CHRM5: variants seen among roughly 807,000 people sequenced by gnomAD.
CHRM5 encodes muscarinic acetylcholine receptor M5.
CHRM5 carries 18 observed loss-of-function variants against 39.0 expected under a neutral mutation model. The observed-to-expected ratio is 0.46, with a 90% CI of 0.32 to 0.68. CHRM5 has a LOEUF of 0.68. CHRM5 is among the 30% of genes least tolerant of loss of function. CHRM5 has a pLI of 0.04. For synonymous variants in CHRM5, 241 were observed against 246.3 expected (o/e 0.98, Z 0.20); for missense variants, 515 against 651.1 (o/e 0.79, Z 2.28).
Position 34,006,030 on chromosome 15 carries a change from G to A in CHRM5, c.-408+36880G>A, listed in dbSNP as rs111557572. ...GGAACATTCTACAGAAAATAGCCTTGGCCAGGCACGGTGGCTCACACCTGT... is the reference window on the plus strand; with the variant it reads ...GGAACATTCTACAGAAAATAGCCTTAGCCAGGCACGGTGGCTCACACCTGT... On this transcript the variant is annotated intron_variant, in intron 1 of 2. Coordinates refer to ENST00000383263, the MANE Select transcript of CHRM5 (RefSeq NM_012125.4). 4.3e-3 allele frequency among the ~76,000 whole-genome samples: 648 copies of A among 152,280 alleles called. 3 individuals carry two copies. Among genetic ancestry groups the A allele is most frequent in the Non-Finnish European group, 6.4e-3 (432 of 68,020 alleles).
Position 34,066,987 on chromosome 15 carries a change from A to T in CHRM5, c.*2671A>T, listed in dbSNP as rs1900528025. The T allele has an allele frequency of 6.6e-6, 1 of 152,206 alleles. No individual in the cohort carries two copies. Among genetic ancestry groups the T allele is most frequent in the Non-Finnish European group, 1.5e-5 (1 of 68,046 alleles). 9.4% of individuals were successfully genotyped at this position (152,206 alleles called of 1,614,324 possible). On this transcript the variant is annotated 3_prime_UTR_variant, in exon 3 of 3. Coordinates refer to ENST00000383263, the MANE Select transcript of CHRM5 (RefSeq NM_012125.4). ...CGGCTTTAGTGGGGTCCTCAGAATG[A>T]ATAGACCTAATTGTAAACTACAGGG...
chr15:34,027,563 C>T (rs1234573352), intron 1 of CHRM5, among the ~76,000 whole-genome samples: 1 of 150,960 alleles, frequency 6.6e-6, no homozygotes, highest in Non-Finnish European at 1.5e-5. Flanking sequence ...AACAGCCTCA[C>T]AACTATGGTA....
At position 34,062,914 on chromosome 15, in the gene CHRM5, A is replaced by C; in HGVS notation, c.197A>C (p.Asn66Thr). 1 of 1,614,158 alleles carries C rather than the reference A, an allele frequency of 6.2e-7. No individual in the cohort carries two copies. Among genetic ancestry groups the C allele is most frequent in the Non-Finnish European group, 8.5e-7 (1 of 1,180,038 alleles). Residue 66 changes from asparagine to threonine, a missense_variant, in exon 3 of 3, where the codon AAC becomes ACC. Coordinates refer to ENST00000383263, the MANE Select transcript of CHRM5 (RefSeq NM_012125.4). ...AACAGCCAGCTCAAGACAGTTAACA[A>C]CTATTACCTGCTCAGCTTAGCCTGT... Reference protein sequence around the residue: ...KVNSQLKTVNNYYLLSLACAD... With the variant: ...KVNSQLKTVNTYYLLSLACAD...
In CHRM5 at chr15:33,974,659, T is replaced by A. The variant is rs114835936; in HGVS notation, c.-408+5509T>A. On this transcript the variant is annotated intron_variant, in intron 1 of 2. Coordinates refer to ENST00000383263, the MANE Select transcript of CHRM5 (RefSeq NM_012125.4). ...CCTCACAGAAATCTGTGATTTGATG[T>A]TGGCGTGCACAACTTAAGATTTTGA... 2.4e-3 allele frequency among the ~76,000 whole-genome samples: 361 copies of A among 152,330 alleles called. 3 individuals are homozygous for A. Among genetic ancestry groups the A allele is most frequent in the African/African-American group, 8.3e-3 (347 of 41,570 alleles).
intron 1 of CHRM5, among the ~76,000 whole-genome samples, chr15:34,036,893 T>C (rs574281176): frequency 6.6e-6 from 1 of 152,268 alleles, no homozygotes; most frequent in Non-Finnish European, 1.5e-5. Context: ...GTGGATCACC[T>C]GAGGTCAGGA....
chr15:34,019,357 T>C (rs1172136280), intron 1 of CHRM5, among the ~76,000 whole-genome samples: 3 of 152,254 alleles, frequency 2.0e-5, no homozygotes, highest in South Asian at 4.1e-4. Flanking sequence ...TTAAGCTAAG[T>C]GTTATTACAA....
At chr15:33,988,048 G>A (rs544772569) in intron 1 of CHRM5, among the ~76,000 whole-genome samples, 4 of 152,220 alleles carry the variant, frequency 2.6e-5, no homozygotes, top group Non-Finnish European at 4.4e-5. Context: ...GCCTCACAGT[G>A]CAGTGCCCTG....
At chr15:34,029,389 A>G (rs535695836) in intron 1 of CHRM5, among the ~76,000 whole-genome samples, 2 of 152,246 alleles carry the variant, frequency 1.3e-5, no homozygotes, top group South Asian at 4.1e-4. Context: ...GGGGAAAAAA[A>G]AGTTTTAGGA....
chr15:33,969,719 C>T (rs4041435), intron 1 of CHRM5, among the ~76,000 whole-genome samples: 15,786 of 151,892 alleles, frequency 0.1, 2,238 homozygotes, highest in African/African-American at 0.32. Context: ...CCTAAAGATA[C>T]TAGACATTTT....
chr15:34,031,920 A>G (rs1488946754), intron 1 of CHRM5, among the ~76,000 whole-genome samples: 1 of 152,214 alleles, frequency 6.6e-6, no homozygotes, highest in Non-Finnish European at 1.5e-5. Flanking sequence ...ACACCTTTGT[A>G]GAAAATTTTC....
intron 1 of CHRM5, among the ~76,000 whole-genome samples, chr15:34,040,316 T>G (rs1462183794): frequency 6.6e-6 from 1 of 152,162 alleles, no homozygotes; most frequent in Non-Finnish European, 1.5e-5. Context: ...AGTTAAATTA[T>G]ATTTAAACGG....
intron 1 of CHRM5, among the ~76,000 whole-genome samples, chr15:34,036,621 A>G (rs1899139492): frequency 6.6e-6 from 1 of 152,232 alleles, no homozygotes; most frequent in Non-Finnish European, 1.5e-5. Flanking sequence ...GAAGGAACTT[A>G]GAGATGACCA....
chr15:34,049,653 G>T (rs1899858318), intron 2 of CHRM5, among the ~76,000 whole-genome samples: 1 of 152,062 alleles, frequency 6.6e-6, no homozygotes, highest in Non-Finnish European at 1.5e-5. Flanking sequence ...AGCAAGTCAG[G>T]CCAACGTTCA....
intron 1 of CHRM5, among the ~76,000 whole-genome samples, chr15:34,015,038 C>T (rs1223615321): frequency 6.6e-6 from 1 of 152,074 alleles, no homozygotes; most frequent in Non-Finnish European, 1.5e-5. Flanking sequence ...GTCCTGAAGC[C>T]TGAAAAGCTG....
intron 2 of CHRM5, among the ~76,000 whole-genome samples, chr15:34,049,214 T>C (rs1204798741): frequency 6.6e-6 from 1 of 152,144 alleles, no homozygotes; most frequent in Non-Finnish European, 1.5e-5. Flanking sequence ...GATGGCTGAA[T>C]TGACAGAACT....
At chr15:34,008,082 T>C (rs1897441355) in intron 1 of CHRM5, among the ~76,000 whole-genome samples, 1 of 151,986 alleles carries the variant, frequency 6.6e-6, no homozygotes, top group South Asian at 2.1e-4. Context: ...CTATCAAAAT[T>C]CTTGGAAGAA....
At chr15:33,999,989 G>A (rs552344134) in intron 1 of CHRM5, among the ~76,000 whole-genome samples, 57 of 152,178 alleles carry the variant, frequency 3.7e-4, no homozygotes, top group Non-Finnish European at 6.8e-4. Context: ...TCGCATATTC[G>A]CTCACGTTGC....
At chr15:33,989,927 C>T (rs1896645103) in intron 1 of CHRM5, among the ~76,000 whole-genome samples, 1 of 150,644 alleles carries the variant, frequency 6.6e-6, no homozygotes, top group African/African-American at 2.4e-5. Context: ...CAGATGAGGC[C>T]GGGTTCAGTG....
At chr15:34,017,492 T>TG (rs1897977704) in intron 1 of CHRM5, among the ~76,000 whole-genome samples, 1 of 92,132 alleles carries the variant, frequency 1.1e-5, no homozygotes, top group Admixed American at 1.3e-4. Context: ...TTGTTTTTTT[T>TG]TTTTTTTTGA....
Sources: allele counts gnomAD v4.1 joint callset (sites outside exome capture counted in the v4.1 genomes callset), GRCh38; gene constraint gnomAD v4.1.1; transcripts MANE v1.5; gene names NCBI Gene and HGNC (gene_info 2026-07-23, HGNC 2026-07-21).